The following LPO variants were observed in gnomAD, a reference collection of about 807,000 sequenced individuals.
LPO encodes the protein lactoperoxidase.
A neutral mutation model predicts 68.4 loss-of-function variants in LPO; 70 were observed. The ratio of observed to expected loss-of-function variants is 1.02; its 90% confidence interval spans 0.84 to 1.25. The LOEUF (loss-of-function observed/expected upper bound fraction) is 1.25, where lower values mean the gene tolerates loss of function less well. Ranked by LOEUF, LPO falls within the 50% of genes most tolerant of loss-of-function variation. The pLI, the probability that LPO is intolerant of heterozygous loss-of-function variation, is 0.00. For synonymous variants in LPO, 360 were observed against 357.6 expected (o/e 1.01, Z -0.08); for missense variants, 873 against 908.4 (o/e 0.96, Z 0.50).
chr17:58,241,988 CT>C (rs1235319934), intron 1 of LPO, among the ~76,000 whole-genome samples: 1 of 152,174 alleles, frequency 6.6e-6, no homozygotes, highest in South Asian at 2.1e-4. Context: ...CAACCTGAGG[CT>C]GCTCTCCTTA....
intron 5 of LPO, 88 bp downstream of exon 5, chr17:58,249,265 G>A (rs1001373141): frequency 1.6e-6 from 2 of 1,225,310 alleles, no homozygotes; most frequent in African/African-American, 3.0e-5. Flanking sequence ...ACTCTAGGCA[G>A]ATCTGCCACT....
chr17:58,249,113 G>A lies in LPO; in HGVS notation c.379G>A (p.Ala127Thr), dbSNP rs1567817680. 6.2e-7 allele frequency: 1 copy of A among 1,614,184 alleles called. No homozygotes were observed. ...TCTGGAGGTGGGCTGTGGTGCTCCT[G>A]CTCCCGTGGTGAGATGCGACCCGTG... ...LSLEVGCGAP[A>T]PVVRCDPCSP... The change falls in exon 5 of 13, where the codon GCT becomes ACT. Residue 127 changes from alanine (A) to threonine (T), a missense_variant. Transcript: ENST00000262290.
intron 9 of LPO, among the ~76,000 whole-genome samples, chr17:58,263,804 C>T (rs1053157073): frequency 6.6e-6 from 1 of 152,144 alleles, no homozygotes; most frequent in Non-Finnish European, 1.5e-5. Context: ...AGGTTCTGGA[C>T]TACTTTTGTG....
At chr17:58,242,343 G>C (rs1598018291) in intron 1 of LPO, among the ~76,000 whole-genome samples, 2 of 152,240 alleles carry the variant, frequency 1.3e-5, no homozygotes, top group African/African-American at 4.8e-5. Flanking sequence ...TCTGAGCTTT[G>C]TCATAACTTT....
intron 9 of LPO, among the ~76,000 whole-genome samples, chr17:58,256,402 T>C (rs930015517): frequency 6.7e-6 from 1 of 149,612 alleles, no homozygotes; most frequent in African/African-American, 2.5e-5. Context: ...AGTCCATTTT[T>C]AGGTGTTTTT....
intron 8 of LPO, among the ~76,000 whole-genome samples, chr17:58,253,519 C>T (rs1443926907): frequency 2.0e-5 from 3 of 152,040 alleles, no homozygotes; most frequent in African/African-American, 2.4e-5. Flanking sequence ...GGACAAAATC[C>T]CCATTCCATT....
chr17:58,241,267 C>T (rs545986349), intron 1 of LPO, among the ~76,000 whole-genome samples: 8 of 151,676 alleles, frequency 5.3e-5, no homozygotes, highest in South Asian at 2.1e-4. Context: ...TCTGCCACCA[C>T]GCCTGGCTAA....
At chr17:58,264,644 G>A (rs1970225533) in intron 9 of LPO, 78 bp from the exon 10 acceptor site, 9 of 1,499,982 alleles carry the variant, frequency 6.0e-6, no homozygotes, top group Admixed American at 1.7e-5. Context: ...ACTCTTGGCT[G>A]CAGCTCTTTC....
intron 1 of LPO, among the ~76,000 whole-genome samples, chr17:58,241,782 G>GA (rs1969764658): frequency 6.6e-6 from 1 of 152,182 alleles, no homozygotes; most frequent in Non-Finnish European, 1.5e-5. Flanking sequence ...AGGGCAGAGG[G>GA]AAAAATTGGA....
rs1970311086 is a variant in LPO at position 58,268,149 on chromosome 17, A to G, written c.*155A>G. The G allele has an allele frequency of 2.7e-6, 2 of 741,418 alleles. No individual in the cohort carries two copies. 45.9% of individuals were successfully genotyped at this position (741,418 alleles called of 1,614,324 possible). On this transcript the variant is annotated 3_prime_UTR_variant, in exon 13 of 13. Transcript: ENST00000262290. ...TGGATGAACAGCTTGCTCAGGCCCCAGGGTGGCTGCCTCGGCCCTCCCAGC... is the reference window on the plus strand; with the variant it reads ...TGGATGAACAGCTTGCTCAGGCCCCGGGGTGGCTGCCTCGGCCCTCCCAGC...
chr17:58,241,342 C>G (rs954484264), intron 1 of LPO, among the ~76,000 whole-genome samples: 1 of 151,922 alleles, frequency 6.6e-6, no homozygotes, highest in Admixed American at 6.6e-5. Flanking sequence ...AACCCCTGAC[C>G]TCAAGTGATC....
At chr17:58,253,022 C>CAAAAAAAAAAAAAAAAAAAAAAAAAAAAA (rs765890765) in intron 8 of LPO, among the ~76,000 whole-genome samples, 6 of 31,092 alleles carry the variant, frequency 1.9e-4, no homozygotes, top group African/African-American at 3.9e-4. Flanking sequence ...GACTCCATCT[C>CAAAAAAAAAAAAAAAAAAAAAAAAAAAAA]AAAAAAAAAA....
At chr17:58,264,062 T>C (rs1970217477) in intron 9 of LPO, among the ~76,000 whole-genome samples, 3 of 152,092 alleles carry the variant, frequency 2.0e-5, no homozygotes, top group South Asian at 2.1e-4. Flanking sequence ...GAAAGCTAGA[T>C]AGAAATGTGG....
chr17:58,267,605 A>G lies in LPO; in HGVS notation c.1931+19A>G, dbSNP rs754034772. ...GAGACAGGCAAGTGCGTCCTCAGCCAGGGAGGGAAGGGCAGGGCCCTTCTC... is the reference window on the plus strand; with the variant it reads ...GAGACAGGCAAGTGCGTCCTCAGCCGGGGAGGGAAGGGCAGGGCCCTTCTC... On this transcript the variant is annotated intron_variant, in intron 12 of 12. Transcript: ENST00000262290. 7.6e-6 allele frequency: 12 copies of G among 1,586,956 alleles called. No individual in the cohort carries two copies. The highest frequency in any genetic ancestry group is 1.7e-4 in the Middle Eastern group (1 of 5,934).
chr17:58,265,874 C>T (rs1360025596), intron 10 of LPO, among the ~76,000 whole-genome samples: 3 of 151,954 alleles, frequency 2.0e-5, no homozygotes, highest in Non-Finnish European at 1.5e-5. Flanking sequence ...CATGAGCCAC[C>T]ATGCATGGCC....
intron 3 of LPO, among the ~76,000 whole-genome samples, chr17:58,245,935 T>C (rs1969846430): frequency 6.6e-6 from 1 of 152,182 alleles, no homozygotes; most frequent in East Asian, 1.9e-4. Context: ...GAGGAGCCCT[T>C]CCCTGCTGGT....
chr17:58,262,728 T>A (rs1209278226), intron 9 of LPO, among the ~76,000 whole-genome samples: 1 of 152,232 alleles, frequency 6.6e-6, no homozygotes, highest in East Asian at 1.9e-4. Flanking sequence ...TCTTTATAGG[T>A]AATGTGTCAT....
chr17:58,254,820 G>A lies in LPO; in HGVS notation c.1115G>A (p.Arg372Gln), dbSNP rs762260514. Reference protein sequence around the residue: ...RVPCFLAGDSRASEHILLATS... With the variant: ...RVPCFLAGDSQASEHILLATS... ...CCTTCTGGGCTTTCAGGAGATTCTCGAGCCTCAGAGCATATTCTGCTGGCC... is the reference window on the plus strand; with the variant it reads ...CCTTCTGGGCTTTCAGGAGATTCTCAAGCCTCAGAGCATATTCTGCTGGCC... Residue 372 changes from arginine (R) to glutamine (Q), a missense_variant, in exon 9 of 13, where the codon CGA becomes CAA. Coordinates refer to ENST00000262290, the MANE Select transcript of LPO (RefSeq NM_006151.3). The A allele has an allele frequency of 5.0e-6, 8 of 1,613,856 alleles. No homozygotes were observed. The highest frequency in any genetic ancestry group is 1.7e-5 in the Admixed American group (1 of 60,002).
intron 8 of LPO, chr17:58,254,509 C>T: frequency 4.6e-6 from 1 of 216,480 alleles, no homozygotes; most frequent in Non-Finnish European, 9.1e-6. Flanking sequence ...TCACCACTAG[C>T]CTTTGTCACA....
Sources: allele counts gnomAD v4.1 joint callset (sites outside exome capture counted in the v4.1 genomes callset), GRCh38; gene constraint gnomAD v4.1.1; transcripts MANE v1.5; gene names NCBI Gene and HGNC (gene_info 2026-07-23, HGNC 2026-07-21).